MIA2: variants seen among roughly 807,000 people sequenced by gnomAD.
The protein encoded by MIA2 is melanoma inhibitory activity protein 2.
MIA2 carries 127 observed loss-of-function variants against 167.8 expected under a neutral mutation model. The observed-to-expected ratio is 0.76, with a 90% CI of 0.66 to 0.88. The LOEUF is 0.88. Among genes scored for constraint, MIA2 ranks in the 40% least tolerant of loss-of-function variants. MIA2 has a pLI of 0.00. For missense variants in MIA2, 1,690 were observed against 1,624.7 expected (o/e 1.04, Z -0.69); for synonymous variants, 552 against 541.9 (o/e 1.02, Z -0.26).
intron 3 of MIA2, among the ~76,000 whole-genome samples, chr14:39,242,769 G>A (rs2054109761): frequency 6.6e-6 from 1 of 152,096 alleles, no homozygotes; most frequent in African/African-American, 2.4e-5. Flanking sequence ...ATGAATCTTT[G>A]CATCCAAGAA....
chr14:39,319,587 C>G (rs1369526127), intron 23 of MIA2, among the ~76,000 whole-genome samples: 2 of 151,896 alleles, frequency 1.3e-5, no homozygotes, highest in Non-Finnish European at 2.9e-5. Flanking sequence ...TAGTAAGGTA[C>G]TCATTAACAA....
intron 6 of MIA2, among the ~76,000 whole-genome samples, chr14:39,254,516 T>G (rs899445787): frequency 4.6e-5 from 7 of 152,118 alleles, no homozygotes; most frequent in Non-Finnish European, 7.4e-5. Context: ...GTTCTGAAAA[T>G]GAGGAAATAG....
In MIA2 at chr14:39,303,388, G is replaced by A. The variant is rs1016764146; in HGVS notation, c.2741-90G>A. 13 of 995,738 alleles carry A rather than the reference G, an allele frequency of 1.3e-5. No homozygotes were observed. In the African/African-American group the frequency reaches 1.5e-4, roughly 11 times the overall value. 61.7% of individuals were successfully genotyped at this position (995,738 alleles called of 1,614,324 possible). On this transcript the variant is annotated intron_variant, in intron 15 of 28. Transcript: ENST00000640607. ...CAAGAAGAGGGATTATAAGTTTCTG[G>A]TTTAGTGAACTGATAAAATCATTTT...
At chr14:39,308,091 T>C (rs10872920) in intron 17 of MIA2, among the ~76,000 whole-genome samples, 83,181 of 151,972 alleles carry the variant, frequency 0.55, 24,497 homozygotes, top group South Asian at 0.67. Context: ...TCTACTTTAT[T>C]TGTCATATTG....
At chr14:39,256,023 G>A (rs1409783954) in intron 6 of MIA2, among the ~76,000 whole-genome samples, 2 of 152,162 alleles carry the variant, frequency 1.3e-5, no homozygotes, top group South Asian at 4.1e-4. Flanking sequence ...AGAAAATTAT[G>A]AATCAGTTGT....
chr14:39,297,722 A>G (rs114664911), intron 13 of MIA2, among the ~76,000 whole-genome samples: 4,669 of 141,064 alleles, frequency 0.033, 266 homozygotes, highest in African/African-American at 0.12. Flanking sequence ...AGAGACAGAG[A>G]TAGAGAATGA....
intron 8 of MIA2, 31 bp from the exon 9 acceptor site, chr14:39,279,418 A>G: frequency 6.2e-7 from 1 of 1,601,848 alleles, no homozygotes; most frequent in Non-Finnish European, 8.5e-7. Context: ...ATAATAATTT[A>G]CTCATGGTAA....
chr14:39,347,636 C>A (rs553988763), intron 26 of MIA2, 77 bp from the exon 27 acceptor site: 27 of 1,482,820 alleles, frequency 1.8e-5, no homozygotes, highest in African/African-American at 1.1e-4. Context: ...GGGAAAATAC[C>A]AATTTTGTGA....
At chr14:39,268,188 G>C (rs965590506) in intron 6 of MIA2, among the ~76,000 whole-genome samples, 5 of 152,102 alleles carry the variant, frequency 3.3e-5, no homozygotes, top group African/African-American at 1.2e-4. Flanking sequence ...TTGTTGACAT[G>C]TGTAGGGGCA....
chr14:39,386,438 T>A (rs2075273950), intron 23 of MIA2: 3 of 1,546,512 alleles, frequency 1.9e-6, no homozygotes, highest in Non-Finnish European at 2.7e-6. Context: ...AGCAGAACCT[T>A]TTGGAGAACT....
intron 24 of MIA2, among the ~76,000 whole-genome samples, chr14:39,322,012 G>A (rs1411096641): frequency 6.6e-6 from 1 of 150,558 alleles, no homozygotes. Context: ...CCTGACCTTA[G>A]GTGATCCACC....
intron 4 of MIA2, among the ~76,000 whole-genome samples, chr14:39,248,941 G>A (rs1287618604): frequency 6.6e-6 from 1 of 152,030 alleles, no homozygotes; most frequent in Non-Finnish European, 1.5e-5. Context: ...GTTTCACTAT[G>A]TTGTCCATGG....
chr14:39,267,574 C>CG (rs2056130603), intron 6 of MIA2: 9 of 1,601,186 alleles, frequency 5.6e-6, no homozygotes, highest in African/African-American at 4.0e-5. Flanking sequence ...CGGGAGCCGC[C>CG]GGGGGAAGGA....
intron 15 of MIA2, 135 bp downstream of exon 15, chr14:39,302,384 T>C (rs545363757): frequency 2.1e-6 from 2 of 970,764 alleles, no homozygotes; most frequent in South Asian, 3.5e-5. Context: ...CACACTGTCC[T>C]TTCTCACCAT....
intron 3 of MIA2, among the ~76,000 whole-genome samples, chr14:39,242,089 T>A (rs1414334746): frequency 6.6e-6 from 1 of 152,234 alleles, no homozygotes; most frequent in Admixed American, 6.5e-5. Flanking sequence ...TATGTTTTAA[T>A]ATCTGGATTG....
intron 4 of MIA2, among the ~76,000 whole-genome samples, chr14:39,251,240 T>A (rs1331185541): frequency 3.9e-5 from 6 of 152,162 alleles, no homozygotes; most frequent in Non-Finnish European, 1.5e-5. Context: ...ACGGGTAAAC[T>A]AGGGAACGGT....
At chr14:39,352,168 T>TA (rs1442339441), downstream of MIA2, among the ~76,000 whole-genome samples, 2 of 149,906 alleles carry the variant, frequency 1.3e-5, no homozygotes, top group East Asian at 2.0e-4. Context: ...TATCCAGATT[T>TA]AAAAAAAATT....
exon 24 of MIA2, chr14:39,387,374 G>A (rs1038240534): frequency 1.3e-5 from 2 of 157,922 alleles, no homozygotes; most frequent in African/African-American, 4.8e-5. Flanking sequence ...GATTTTGAGG[G>A]GTCTAAGACA....
At chr14:39,252,635 G>A (rs1188927873) in intron 4 of MIA2, 113 bp from the exon 5 acceptor site, 2 of 687,460 alleles carry the variant, frequency 2.9e-6, no homozygotes, top group African/African-American at 1.8e-5. Context: ...CTTTAACGAA[G>A]TATCATAATG....
Sources: allele counts gnomAD v4.1 joint callset (sites outside exome capture counted in the v4.1 genomes callset), GRCh38; gene constraint gnomAD v4.1.1; transcripts MANE v1.5; gene names NCBI Gene and HGNC (gene_info 2026-07-23, HGNC 2026-07-21).